Variants in GPC5 observed in about 807,000 individuals in gnomAD.
The protein encoded by GPC5 is glypican 5.
In GPC5, 47 loss-of-function variants were observed where a neutral mutation model predicts 53.9. That is an observed-to-expected ratio of 0.87 (90% CI 0.69 to 1.11). The LOEUF (loss-of-function observed/expected upper bound fraction) is 1.11, where lower values mean the gene tolerates loss of function less well. GPC5 is among the 50% of genes most tolerant of loss of function. The pLI, the probability that GPC5 is intolerant of heterozygous loss-of-function variation, is 0.00. For missense variants in GPC5, 748 were observed against 713.1 expected, an observed-to-expected ratio of 1.05 and a Z score of -0.56; for synonymous variants, 286 against 263.3, an observed-to-expected ratio of 1.09 and a Z score of -0.84.
At chr13:91,556,602 CACACACATATAT>C (rs2030969909) in intron 2 of GPC5, among the ~76,000 whole-genome samples, 1 of 151,174 alleles carries the variant, frequency 6.6e-6, no homozygotes, top group South Asian at 2.1e-4. Flanking sequence ...CACACATATA[CACACACATATAT>C]ACACACCATG....
chr13:92,064,276 T>C (rs1242847079), intron 6 of GPC5, among the ~76,000 whole-genome samples: 3 of 152,176 alleles, frequency 2.0e-5, no homozygotes, highest in Admixed American at 1.3e-4. Context: ...TCACTCTAAA[T>C]AGTGTTTTTC....
chr13:92,188,754 G>A (rs894074680), intron 7 of GPC5, among the ~76,000 whole-genome samples: 2 of 151,794 alleles, frequency 1.3e-5, no homozygotes, highest in African/African-American at 4.8e-5. Flanking sequence ...TGAACATGGA[G>A]GAAAAAGAAT....
chr13:92,752,068 A>G (rs1237100843), intron 7 of GPC5, among the ~76,000 whole-genome samples: 4 of 148,120 alleles, frequency 2.7e-5, no homozygotes, highest in African/African-American at 9.8e-5. Context: ...AGAACCTTGA[A>G]AAAAAAAAAA....
intron 2 of GPC5, among the ~76,000 whole-genome samples, chr13:91,550,541 G>A (rs1028947925): frequency 2.6e-5 from 4 of 152,138 alleles, no homozygotes; most frequent in African/African-American, 9.7e-5. Flanking sequence ...TGGTACAAGA[G>A]TTAAGGATAC....
At chr13:92,735,940 A>G (rs1349583001) in intron 7 of GPC5, among the ~76,000 whole-genome samples, 1 of 152,048 alleles carries the variant, frequency 6.6e-6, no homozygotes, top group Non-Finnish European at 1.5e-5. Flanking sequence ...TTGTAAATTG[A>G]TAATAGATAT....
At chr13:92,527,102 A>G (rs1881311561) in intron 7 of GPC5, among the ~76,000 whole-genome samples, 1 of 49,406 alleles carries the variant, frequency 2.0e-5, no homozygotes, top group Admixed American at 3.5e-4. Context: ...GTAGGAAAAG[A>G]AAGAAAAAAG....
At chr13:91,696,970 C>G (rs143061345) in intron 3 of GPC5, among the ~76,000 whole-genome samples, 29 of 152,210 alleles carry the variant, frequency 1.9e-4, no homozygotes, top group South Asian at 4.2e-4. Context: ...CTTATTTTAT[C>G]TCTGTTTGCT....
intron 7 of GPC5, among the ~76,000 whole-genome samples, chr13:92,343,842 G>T (rs977049149): frequency 6.6e-6 from 1 of 151,886 alleles, no homozygotes; most frequent in Non-Finnish European, 1.5e-5. Context: ...TGAAACATTT[G>T]ATTTCCTTCC....
chr13:92,330,297 T>G (rs1462819688), intron 7 of GPC5, among the ~76,000 whole-genome samples: 1 of 152,186 alleles, frequency 6.6e-6, no homozygotes, highest in Non-Finnish European at 1.5e-5. Flanking sequence ...TCTGTTTAGT[T>G]GTCCTCCAAA....
At chr13:91,779,424 G>A (rs1204643100) in intron 5 of GPC5, among the ~76,000 whole-genome samples, 2 of 151,910 alleles carry the variant, frequency 1.3e-5, no homozygotes, top group Non-Finnish European at 1.5e-5. Context: ...GCAGTGGCGT[G>A]GTCTTGGCTC....
intron 7 of GPC5, among the ~76,000 whole-genome samples, chr13:92,685,496 C>T (rs1887235842): frequency 1.3e-5 from 2 of 149,346 alleles, no homozygotes; most frequent in South Asian, 2.1e-4. Flanking sequence ...AAGTCTGACC[C>T]TCTGCATTTT....
chr13:91,545,656 C>A (rs1319514296), intron 2 of GPC5, among the ~76,000 whole-genome samples: 1 of 152,034 alleles, frequency 6.6e-6, no homozygotes, highest in Non-Finnish European at 1.5e-5. Context: ...GCTTCTTAAT[C>A]TTGCTTGACT....
chr13:92,282,994 G>A (rs745740863), intron 7 of GPC5, among the ~76,000 whole-genome samples: 1 of 152,130 alleles, frequency 6.6e-6, no homozygotes, highest in Admixed American at 6.5e-5. Flanking sequence ...GTATTCAGGA[G>A]ACCCATCTCA....
chr13:92,559,813 A>G (rs1033647522), intron 7 of GPC5, among the ~76,000 whole-genome samples: 2 of 151,368 alleles, frequency 1.3e-5, no homozygotes, highest in African/African-American at 4.9e-5. Flanking sequence ...TCTGCTGCCT[A>G]CAGGGCCTGT....
chr13:92,293,900 A>G (rs1201549976), intron 7 of GPC5, among the ~76,000 whole-genome samples: 1 of 152,150 alleles, frequency 6.6e-6, no homozygotes, highest in Non-Finnish European at 1.5e-5. Flanking sequence ...TTAATCATAA[A>G]GCAATAATGG....
intron 2 of GPC5, among the ~76,000 whole-genome samples, chr13:91,454,725 T>A (rs1440079728): frequency 6.6e-6 from 1 of 152,140 alleles, no homozygotes; most frequent in Non-Finnish European, 1.5e-5. Flanking sequence ...TCTTCTTCCC[T>A]AACAGTAGCT....
chr13:91,785,498 G>C (rs1054480798), intron 5 of GPC5, among the ~76,000 whole-genome samples: 1 of 141,562 alleles, frequency 7.1e-6, no homozygotes, highest in Non-Finnish European at 1.6e-5. Flanking sequence ...ACATGAATAC[G>C]ATATTGATTA....
chr13:92,815,841 T>C (rs906845708), intron 7 of GPC5, among the ~76,000 whole-genome samples: 14 of 152,046 alleles, frequency 9.2e-5, no homozygotes, highest in South Asian at 4.1e-4. Context: ...CGAGTCACTA[T>C]TGAGTTGAGC....
intron 5 of GPC5, among the ~76,000 whole-genome samples, chr13:91,777,644 T>C (rs1469683157): frequency 1.3e-5 from 2 of 152,226 alleles, no homozygotes; most frequent in African/African-American, 4.8e-5. Context: ...TATTGTATTT[T>C]AAATTAAAAA....
Sources: gnomAD v4.1 joint callset for allele counts (sites outside exome capture counted in the v4.1 genomes callset) on GRCh38, gnomAD v4.1.1 for gene constraint, MANE v1.5 for transcripts, NCBI Gene and HGNC (gene_info 2026-07-23, HGNC 2026-07-21) for gene names.